SCFD2: variants seen among roughly 807,000 people sequenced by gnomAD.
SCFD2 encodes sec1 family domain containing 2.
A neutral mutation model predicts 58.9 loss-of-function variants in SCFD2; 54 were observed. The ratio of observed to expected loss-of-function variants is 0.92; its 90% CI spans 0.74 to 1.15. The LOEUF (loss-of-function observed/expected upper bound fraction) is 1.15. SCFD2 is among the 50% of genes most tolerant of loss of function. SCFD2 has a pLI of 0.00. For synonymous variants in SCFD2, 321 were observed against 335.9 expected (o/e 0.96, Z 0.49); for missense variants, 805 against 836.6 (o/e 0.96, Z 0.47).
chr4:52,900,073 A>C (rs1173240441), intron 7 of SCFD2, among the ~76,000 whole-genome samples: 1 of 152,112 alleles, frequency 6.6e-6, no homozygotes, highest in Non-Finnish European at 1.5e-5. Context: ...CAAAGTTTTT[A>C]ACTGCTTTGC....
At chr4:53,150,826 G>A (rs530971492) in intron 4 of SCFD2, among the ~76,000 whole-genome samples, 7 of 152,266 alleles carry the variant, frequency 4.6e-5, no homozygotes, top group South Asian at 2.1e-4. Flanking sequence ...TTCAAATGAC[G>A]TAATCCCCAT....
At chr4:53,147,336 C>T (rs1577776392) in intron 4 of SCFD2, among the ~76,000 whole-genome samples, 1 of 152,066 alleles carries the variant, frequency 6.6e-6, no homozygotes, top group African/African-American at 2.4e-5. Flanking sequence ...AAATGATTAC[C>T]AAAATGAGCT....
intron 5 of SCFD2, among the ~76,000 whole-genome samples, chr4:53,003,661 G>A (rs1260860996): frequency 6.6e-6 from 1 of 152,214 alleles, no homozygotes; most frequent in Non-Finnish European, 1.5e-5. Context: ...TGCACAGAGG[G>A]AGAAGAACTT....
At chr4:53,277,206 A>G (rs948897697) in intron 3 of SCFD2, among the ~76,000 whole-genome samples, 5 of 152,242 alleles carry the variant, frequency 3.3e-5, no homozygotes, top group African/African-American at 9.6e-5. Flanking sequence ...TAATTAATTC[A>G]GCCTCTTACG....
At chr4:53,260,253 T>C (rs7441849) in intron 4 of SCFD2, among the ~76,000 whole-genome samples, 38,238 of 151,964 alleles carry the variant, frequency 0.25, 5,264 homozygotes, top group Non-Finnish European at 0.32. Context: ...TGGCTAGGAC[T>C]CCCAGTACTA....
At position 53,209,262 on chromosome 4, in the gene SCFD2, C is replaced by A. The variant is rs1377967623; in HGVS notation, c.1312-63680G>T. On this transcript the variant is annotated intron_variant, in intron 4 of 8. Coordinates refer to ENST00000401642, the MANE Select transcript of SCFD2 (RefSeq NM_152540.4). ...TTAGTGCTTAATGCATCCTACCATG[C>A]CCTTGATAAAGCTAAATACAATGAT... Among the ~76,000 whole-genome samples, 3 of 152,086 alleles carry A rather than the reference C, an allele frequency of 2.0e-5. 1 individual carries two copies. Among genetic ancestry groups the A allele is most frequent in the Non-Finnish European group, 4.4e-5 (3 of 68,034 alleles).
intron 5 of SCFD2, among the ~76,000 whole-genome samples, chr4:53,087,758 T>A (rs1376250941): frequency 6.6e-6 from 1 of 151,376 alleles, no homozygotes; most frequent in Non-Finnish European, 1.5e-5. Flanking sequence ...CTCCCAGGTT[T>A]CAAGCGATTT....
intron 1 of SCFD2, among the ~76,000 whole-genome samples, chr4:53,362,692 A>G (rs535078768): frequency 6.6e-6 from 1 of 152,130 alleles, no homozygotes; most frequent in Non-Finnish European, 1.5e-5. Flanking sequence ...AGCAAAAAAA[A>G]AAATGGAATT....
intron 5 of SCFD2, among the ~76,000 whole-genome samples, chr4:52,972,630 T>C (rs528081262): frequency 2.6e-5 from 4 of 152,200 alleles, no homozygotes; most frequent in African/African-American, 9.6e-5. Context: ...TTAACAAGGA[T>C]ATCCAAGAAT....
At chr4:52,886,859 A>G (rs1718752190) in intron 7 of SCFD2, among the ~76,000 whole-genome samples, 1 of 152,364 alleles carries the variant, frequency 6.6e-6, no homozygotes, top group African/African-American at 2.4e-5. Context: ...TAAAAACAAG[A>G]GAAGGCTGAG....
chr4:53,276,729 CAT>C lies in SCFD2; in HGVS notation c.1136-2730_1136-2729del, dbSNP rs777076567. 7.2e-5 allele frequency among the ~76,000 whole-genome samples: 11 copies of C among 152,260 alleles called. No individual in the cohort carries two copies. In the South Asian group the frequency reaches 1.0e-3, roughly 14 times the overall value. ...GAACATGCAGTATTTAGTTTAAGCACATGTTTAATTTTATAAGAAATTGGCAA... is the reference window on the plus strand; with the variant it reads ...GAACATGCAGTATTTAGTTTAAGCACGTTTAATTTTATAAGAAATTGGCAA... On this transcript the variant is annotated intron_variant, in intron 3 of 8. Coordinates refer to ENST00000401642, the MANE Select transcript of SCFD2 (RefSeq NM_152540.4).
intron 5 of SCFD2, among the ~76,000 whole-genome samples, chr4:53,091,373 A>G (rs962652881): frequency 1.3e-5 from 2 of 152,030 alleles, no homozygotes; most frequent in Non-Finnish European, 1.5e-5. Context: ...GGTTAAAAAA[A>G]AAAAAAGAAC....
intron 4 of SCFD2, among the ~76,000 whole-genome samples, chr4:53,255,669 C>T (rs1191801601): frequency 5.9e-5 from 9 of 152,228 alleles, no homozygotes; most frequent in Non-Finnish European, 1.0e-4. Flanking sequence ...ACCTTTCCCC[C>T]GTTTCTATTC....
At chr4:53,205,830 C>A (rs1398409975) in intron 4 of SCFD2, among the ~76,000 whole-genome samples, 1 of 151,464 alleles carries the variant, frequency 6.6e-6, no homozygotes, top group Non-Finnish European at 1.5e-5. Flanking sequence ...CCACTGTACT[C>A]CAGCCTGGGC....
chr4:53,182,220 G>A (rs1727586560), intron 4 of SCFD2, among the ~76,000 whole-genome samples: 1 of 152,158 alleles, frequency 6.6e-6, no homozygotes, highest in Non-Finnish European at 1.5e-5. Flanking sequence ...AAAGAACAAA[G>A]CTGGAGGCAT....
chr4:53,055,476 A>T (rs1452320188), intron 5 of SCFD2, among the ~76,000 whole-genome samples: 1 of 152,098 alleles, frequency 6.6e-6, no homozygotes, highest in African/African-American at 2.4e-5. Flanking sequence ...GAGGGTTTGG[A>T]AAGTTGCCTA....
intron 4 of SCFD2, among the ~76,000 whole-genome samples, chr4:53,193,039 C>G (rs1353726879): frequency 6.6e-6 from 1 of 152,046 alleles, no homozygotes. Context: ...GAGTTGTAAG[C>G]ATAAATTACA....
chr4:53,127,191 T>C (rs1725653235), intron 5 of SCFD2, among the ~76,000 whole-genome samples: 1 of 152,220 alleles, frequency 6.6e-6, no homozygotes, highest in African/African-American at 2.4e-5. Flanking sequence ...TTTCAAACAA[T>C]GGGATTTAAA....
At chr4:53,147,362 T>C (rs1726364146) in intron 4 of SCFD2, among the ~76,000 whole-genome samples, 1 of 152,212 alleles carries the variant, frequency 6.6e-6, no homozygotes, top group African/African-American at 2.4e-5. Flanking sequence ...AGTCAAGCCA[T>C]TTCCACACCT....
Sources: allele counts gnomAD v4.1 joint callset (sites outside exome capture counted in the v4.1 genomes callset), GRCh38; gene constraint gnomAD v4.1.1; transcripts MANE v1.5; gene names NCBI Gene and HGNC (gene_info 2026-07-23, HGNC 2026-07-21).